STX17: variants seen among roughly 807,000 people sequenced by gnomAD.
The protein encoded by STX17 is syntaxin 17, also known as syntaxin-17.
In STX17, 29 loss-of-function variants were observed where a neutral mutation model predicts 35.9. The ratio of observed to expected loss-of-function variants is 0.81; its 90% CI spans 0.60 to 1.10. The LOEUF is 1.10. Ranked by LOEUF, STX17 falls within the 50% of genes least tolerant of loss-of-function variation. The probability of loss-of-function intolerance (pLI) is 0.00; values close to 1 mark genes in which losing one functional copy is unlikely to be tolerated. For missense variants in STX17, 312 were observed against 352.3 expected (o/e 0.89, Z 0.92); for synonymous variants, 92 against 118.3 (o/e 0.78, Z 1.44).
At chr9:99,942,147 A>C (rs1829377829) in intron 3 of STX17, among the ~76,000 whole-genome samples, 1 of 152,184 alleles carries the variant, frequency 6.6e-6, no homozygotes, top group South Asian at 2.1e-4. Flanking sequence ...TAGTATTGTC[A>C]GACTTTAATT....
chr9:99,931,214 T>C (rs915001018), intron 3 of STX17, among the ~76,000 whole-genome samples: 1 of 152,058 alleles, frequency 6.6e-6, no homozygotes, highest in African/African-American at 2.4e-5. Context: ...CTCTTGACCT[T>C]GTGATCTGCC....
chr9:99,942,125 A>G (rs1829377291), intron 3 of STX17, among the ~76,000 whole-genome samples: 1 of 152,180 alleles, frequency 6.6e-6, no homozygotes, highest in African/African-American at 2.4e-5. Flanking sequence ...CATCCTTACC[A>G]ATACCAATAT....
chr9:99,939,610 GTA>G (rs781643116), intron 3 of STX17, among the ~76,000 whole-genome samples: 2 of 152,178 alleles, frequency 1.3e-5, no homozygotes, highest in Admixed American at 1.3e-4. Context: ...ATGAAATACA[GTA>G]TTTAGAAGGC....
In STX17 at chr9:99,971,579, G is replaced by C. The variant is rs1830015353; in HGVS notation, c.*2906G>C. ...CTTCTGTTTGCCAGGCACTTCACCAGGCATTTTACAAGTAAGGAAACTGGG... is the reference window on the plus strand; with the variant it reads ...CTTCTGTTTGCCAGGCACTTCACCACGCATTTTACAAGTAAGGAAACTGGG... On this transcript the variant is annotated 3_prime_UTR_variant, in exon 8 of 8. Transcript: ENST00000259400. Among the ~76,000 whole-genome samples, 1 of 152,018 alleles carries C rather than the reference G, an allele frequency of 6.6e-6. No individual in the cohort carries two copies. The highest frequency in any genetic ancestry group is 1.5e-5 in the Non-Finnish European group (1 of 68,012).
chr9:99,962,765 A>G (rs1320348078), intron 6 of STX17, among the ~76,000 whole-genome samples: 1 of 152,220 alleles, frequency 6.6e-6, no homozygotes, highest in Non-Finnish European at 1.5e-5. Flanking sequence ...GTTTAAGTAC[A>G]TGAGACAGAA....
intron 1 of STX17, chr9:99,914,277 G>C (rs557900395): frequency 6.6e-6 from 1 of 152,254 alleles, no homozygotes; most frequent in Non-Finnish European, 1.5e-5. Context: ...ATGAAAGCAT[G>C]GTGTACAATG....
chr9:99,957,445 C>T (rs890241246), intron 4 of STX17, among the ~76,000 whole-genome samples: 9 of 152,054 alleles, frequency 5.9e-5, no homozygotes, highest in Non-Finnish European at 1.2e-4. Flanking sequence ...CTTTTTATCT[C>T]TGGCACCCTA....
At chr9:99,935,344 A>G (rs1041262420) in intron 3 of STX17, among the ~76,000 whole-genome samples, 6 of 151,988 alleles carry the variant, frequency 3.9e-5, no homozygotes, top group South Asian at 2.1e-4. Context: ...AAAAAAAAAA[A>G]AAAAGAAAAA....
At chr9:99,951,764 A>G (rs897209054) in intron 4 of STX17, among the ~76,000 whole-genome samples, 1 of 152,012 alleles carries the variant, frequency 6.6e-6, no homozygotes, top group Admixed American at 6.6e-5. Context: ...GTGATACTCT[A>G]AGAAACAGCC....
chr9:99,959,673 C>T (rs572258003), intron 4 of STX17, among the ~76,000 whole-genome samples: 5 of 152,032 alleles, frequency 3.3e-5, no homozygotes, highest in Admixed American at 6.6e-5. Context: ...GTTGCCCAGA[C>T]GGGTCTTGAA....
rs532246233 is a variant in STX17, at chr9:99,911,076, C to T, written c.-62-4102C>T. On this transcript the variant is annotated intron_variant, in intron 1 of 7. Transcript: ENST00000259400. Reference sequence around the variant, plus strand: ...CCCTAGACGGAGTCTCGCTCTGTTGCCCAAGCTGGAGTGCAGTGGTGAGAT... The same window carrying T: ...CCCTAGACGGAGTCTCGCTCTGTTGTCCAAGCTGGAGTGCAGTGGTGAGAT... Among the ~76,000 whole-genome samples, 4 of 151,732 alleles carry T rather than the reference C, an allele frequency of 2.6e-5. 1 individual carries two copies. Among genetic ancestry groups the T allele is most frequent in the Non-Finnish European group, 4.4e-5 (3 of 67,940 alleles).
chr9:99,937,741 TC>T (rs1226170996), intron 3 of STX17, among the ~76,000 whole-genome samples: 1 of 152,228 alleles, frequency 6.6e-6, no homozygotes, highest in Non-Finnish European at 1.5e-5. Flanking sequence ...ATTATTTTCT[TC>T]ATTATGGGTG....
Position 99,958,066 on chromosome 9 carries a change from A to T in STX17, c.416-1851A>T, listed in dbSNP as rs1256400048. 3.3e-5 allele frequency among the ~76,000 whole-genome samples: 5 copies of T among 152,198 alleles called. No homozygotes were observed. In the South Asian group the frequency reaches 1.0e-3, roughly 31 times the overall value. The stretch of plus-strand genomic sequence containing the variant: ...TTTGTGAAAAGCAAAACTGTTTAAC[A>T]TAGTTTACAAATGCCATGAATAATC... On this transcript the variant is annotated intron_variant, in intron 4 of 7. Coordinates refer to ENST00000259400, the MANE Select transcript of STX17 (RefSeq NM_017919.3).
chr9:99,967,829 TGA>T (rs1829946795), intron 7 of STX17, 90 bp downstream of exon 7: 1 of 1,099,000 alleles, frequency 9.1e-7, no homozygotes, highest in East Asian at 2.4e-5. Context: ...TCTTCAATGT[TGA>T]GGGAACCAGC....
intron 6 of STX17, among the ~76,000 whole-genome samples, chr9:99,962,312 A>G (rs1327001792): frequency 6.6e-6 from 1 of 152,196 alleles, no homozygotes; most frequent in African/African-American, 2.4e-5. Context: ...ATACTCGCAA[A>G]CAGAAGGAAA....
intron 3 of STX17, chr9:99,929,102 A>T (rs756090041): frequency 6.2e-5 from 18 of 292,474 alleles, no homozygotes; most frequent in Non-Finnish European, 1.1e-4. Context: ...ATCCTTTAAC[A>T]TTGGTATTAC....
chr9:99,950,895 A>G (rs1338985572), intron 3 of STX17, among the ~76,000 whole-genome samples, 165 bp from the exon 4 acceptor site: 1 of 152,054 alleles, frequency 6.6e-6, no homozygotes, highest in Admixed American at 6.6e-5. Context: ...AAGATGCTGC[A>G]TTTGGCCAGC....
At chr9:99,947,960 T>C (rs1037794060) in intron 3 of STX17, among the ~76,000 whole-genome samples, 1 of 151,916 alleles carries the variant, frequency 6.6e-6, no homozygotes, top group Non-Finnish European at 1.5e-5. Flanking sequence ...TTTTTTTTTT[T>C]CCTATTGGTT....
rs1351941864 is a variant in STX17 at position 99,971,410 on chromosome 9, C to T, written c.*2737C>T. 6.6e-6 allele frequency among the ~76,000 whole-genome samples: 1 copy of T among 151,278 alleles called. No individual in the cohort carries two copies. The highest frequency in any genetic ancestry group is 2.0e-4 in the East Asian group (1 of 5,118). ...CAAACCTTAGAATATGTTTAATGAACAATACTTACCATTCTGATGCTTTTT... is the reference window on the plus strand; with the variant it reads ...CAAACCTTAGAATATGTTTAATGAATAATACTTACCATTCTGATGCTTTTT... On this transcript the variant is annotated 3_prime_UTR_variant, in exon 8 of 8. Coordinates refer to ENST00000259400, the MANE Select transcript of STX17 (RefSeq NM_017919.3).
Sources: allele counts gnomAD v4.1 joint callset (sites outside exome capture counted in the v4.1 genomes callset), GRCh38; gene constraint gnomAD v4.1.1; transcripts MANE v1.5; gene names NCBI Gene and HGNC (gene_info 2026-07-23, HGNC 2026-07-21).